The following RXFP2 variants were observed in gnomAD, a reference collection of about 807,000 sequenced individuals.
RXFP2 encodes relaxin receptor 2.
Under a neutral mutation model 88.6 loss-of-function variants are expected in RXFP2, and 68 were observed. The observed-to-expected ratio is 0.77, with a 90% CI of 0.63 to 0.94. The LOEUF (loss-of-function observed/expected upper bound fraction) is 0.94, where lower values mean the gene tolerates loss of function less well. RXFP2 is among the 40% of genes least tolerant of loss of function. RXFP2 has a pLI of 0.00. For synonymous variants in RXFP2, 329 were observed against 306.8 expected (o/e 1.07, Z -0.76); for missense variants, 791 against 893.9 (o/e 0.88, Z 1.47).
At chr13:31,771,086 T>C (rs1872720603) in intron 5 of RXFP2, among the ~76,000 whole-genome samples, 1 of 152,184 alleles carries the variant, frequency 6.6e-6, no homozygotes, top group South Asian at 2.1e-4. Context: ...GGTCACTGAA[T>C]CTTGATTGTA....
intron 1 of RXFP2, among the ~76,000 whole-genome samples, chr13:31,742,742 G>A (rs1322569): frequency 0.81 from 123,614 of 152,140 alleles, 50,333 homozygotes; most frequent in African/African-American, 0.84. Flanking sequence ...TAATAGGTTG[G>A]TATCGAAAAA....
At chr13:31,786,258 T>C (rs905082571) in intron 11 of RXFP2, 125 bp from the exon 12 acceptor site, 2 of 771,366 alleles carry the variant, frequency 2.6e-6, no homozygotes, top group African/African-American at 3.4e-5. Context: ...TAACAAGTTA[T>C]CAGGTTGGTT....
chr13:31,782,885 C>G, intron 11 of RXFP2, 138 bp downstream of exon 11: 1 of 653,648 alleles, frequency 1.5e-6, no homozygotes. Context: ...ATTAAGAAAA[C>G]CAACATTATC....
At chr13:31,798,167 A>T (rs1233308074) in intron 17 of RXFP2, among the ~76,000 whole-genome samples, 1 of 152,236 alleles carries the variant, frequency 6.6e-6, no homozygotes, top group Non-Finnish European at 1.5e-5. Context: ...GTCAAGCAGG[A>T]TGCCTGATAC....
At chr13:31,744,433 G>A (rs911584736) in intron 1 of RXFP2, among the ~76,000 whole-genome samples, 3 of 152,160 alleles carry the variant, frequency 2.0e-5, no homozygotes, top group Non-Finnish European at 4.4e-5. Flanking sequence ...ATAGTTCATA[G>A]CATGTGCATT....
chr13:31,769,453 A>G (rs372751090), intron 5 of RXFP2, among the ~76,000 whole-genome samples: 18 of 152,224 alleles, frequency 1.2e-4, no homozygotes, highest in African/African-American at 4.3e-4. Context: ...AAGTATCCTC[A>G]TTTCCTTAAA....
Position 31,802,169 on chromosome 13 carries a change from A to AT in RXFP2, c.2036dup (p.Leu680ProfsTer4), listed in dbSNP as rs753136741. ...AGACACAATGACTTCCTGGATAGTG[A>AT]TTTTTTTCCTTCCAGTTAACAGTGC... On this transcript the variant is annotated frameshift_variant, in exon 18 of 18. Transcript: ENST00000298386. LOFTEE classifies it high-confidence loss of function. 6.2e-6 allele frequency: 10 copies of AT among 1,613,990 alleles called. No individual in the cohort carries two copies. Among genetic ancestry groups the AT allele is most frequent in the Admixed American group, 5.0e-5 (3 of 60,010 alleles).
At chr13:31,757,964 C>T (rs561137533) in intron 1 of RXFP2, among the ~76,000 whole-genome samples, 67 of 152,092 alleles carry the variant, frequency 4.4e-4, no homozygotes, top group African/African-American at 1.5e-3. Context: ...TGGTGGTTCA[C>T]GTCTGTAATC....
intron 17 of RXFP2, among the ~76,000 whole-genome samples, chr13:31,801,147 T>G (rs1441351568): frequency 6.6e-6 from 1 of 151,836 alleles, no homozygotes; most frequent in Non-Finnish European, 1.5e-5. Flanking sequence ...ATAAAAAAAA[T>G]TATGAGATTG....
rs1168184109 is a variant in RXFP2 at position 31,783,981 on chromosome 13, T to A, written c.929+1234T>A. Among the ~76,000 whole-genome samples the A allele has an allele frequency of 1.6e-4, 12 of 76,074 alleles. No individual in the cohort carries two copies. In the East Asian group the frequency reaches 4.2e-3, roughly 27 times the overall value. 49.9% of individuals were successfully genotyped at this position (76,074 alleles called of 152,430 possible). ...CCAGGTACCTGCCACCATGCCTGGC[T>A]AATTTTTTTTTTTTTTTGTATTTTT... On this transcript the variant is annotated intron_variant, in intron 11 of 17. Transcript: ENST00000298386.
Position 31,739,577 on chromosome 13 carries a change from A to G in RXFP2, c.-36A>G. 1 of 1,346,674 alleles carries G rather than the reference A, an allele frequency of 7.4e-7. No individual in the cohort carries two copies. Among genetic ancestry groups the G allele is most frequent in the Non-Finnish European group, 1.1e-6 (1 of 936,436 alleles). 83.4% of individuals were successfully genotyped at this position (1,346,674 alleles called of 1,614,324 possible). On this transcript the variant is annotated 5_prime_UTR_variant, in exon 1 of 18. Transcript: ENST00000298386. ...ACATCAGAACTCCTGCTGAGGTATA[A>G]GAGGATACGTCTAATAACTCAATTG...
At position 31,802,272 on chromosome 13, in the gene RXFP2, G is replaced by A. The variant is rs747438451; in HGVS notation, c.2132G>A (p.Arg711Lys). Reference sequence around the variant, plus strand: ...AAACAGCTGCTGCACAAACATCAGAGGAAATCAATTTTCAAAATTAAAAAA... The same window carrying A: ...AAACAGCTGCTGCACAAACATCAGAAGAAATCAATTTTCAAAATTAAAAAA... ...KLKQLLHKHQ[R>K]KSIFKIKKKS... Residue 711 changes from arginine to lysine, a missense_variant, in exon 18 of 18, where the codon AGG becomes AAG. Physicochemically the swap from Arg to Lys is conservative, Grantham distance 26 (BLOSUM62 2). Transcript: ENST00000298386. 1.2e-6 allele frequency: 2 copies of A among 1,613,432 alleles called. No homozygotes were observed. Among genetic ancestry groups the A allele is most frequent in the South Asian group, 2.2e-5 (2 of 90,998 alleles).
chr13:31,745,548 G>A (rs925365476), intron 1 of RXFP2, among the ~76,000 whole-genome samples: 2 of 152,180 alleles, frequency 1.3e-5, no homozygotes, highest in Non-Finnish European at 2.9e-5. Flanking sequence ...CAGTTGGGCT[G>A]CACTAAGCCC....
chr13:31,770,167 C>A (rs1872685580), intron 5 of RXFP2, among the ~76,000 whole-genome samples: 1 of 152,162 alleles, frequency 6.6e-6, no homozygotes, highest in East Asian at 1.9e-4. Context: ...CTTGTGAGCT[C>A]TCCTGGTCAC....
At chr13:31,791,663 T>C in intron 14 of RXFP2, 143 bp from the exon 15 acceptor site, 2 of 671,338 alleles carry the variant, frequency 3.0e-6, no homozygotes, top group Non-Finnish European at 5.4e-6. Flanking sequence ...AAGAACTCTT[T>C]AATTATATAA....
At chr13:31,785,116 T>C (rs1873468102) in intron 11 of RXFP2, among the ~76,000 whole-genome samples, 1 of 152,188 alleles carries the variant, frequency 6.6e-6, no homozygotes, top group African/African-American at 2.4e-5. Flanking sequence ...TTGGCTTAAA[T>C]GCATGTTACC....
At chr13:31,790,419 A>C (rs930250844) in intron 14 of RXFP2, among the ~76,000 whole-genome samples, 2 of 152,196 alleles carry the variant, frequency 1.3e-5, no homozygotes, top group Admixed American at 6.5e-5. Flanking sequence ...GGTTCCTTTA[A>C]TTGGATGCCA....
intron 1 of RXFP2, among the ~76,000 whole-genome samples, chr13:31,745,097 GA>G (rs1871356532): frequency 6.6e-6 from 1 of 152,122 alleles, no homozygotes; most frequent in East Asian, 1.9e-4. Flanking sequence ...TTGAACCCAG[GA>G]GGTGGAAGTT....
intron 5 of RXFP2, among the ~76,000 whole-genome samples, chr13:31,769,305 G>A (rs146123291): frequency 2.0e-3 from 297 of 152,086 alleles, no homozygotes; most frequent in Non-Finnish European, 2.1e-3. Context: ...TGCTCAAGGC[G>A]CCTCTAAAGC....
Sources: allele counts gnomAD v4.1 joint callset (sites outside exome capture counted in the v4.1 genomes callset), GRCh38; gene constraint gnomAD v4.1.1; transcripts MANE v1.5; gene names NCBI Gene and HGNC (gene_info 2026-07-23, HGNC 2026-07-21).